Variants in CDYL2 observed in about 807,000 individuals in gnomAD.
The protein encoded by CDYL2 is chromodomain Y-like protein 2.
Under a neutral mutation model 49.4 loss-of-function variants are expected in CDYL2, and 23 were observed. That is an observed-to-expected ratio of 0.47 (90% CI 0.34 to 0.66). The LOEUF (loss-of-function observed/expected upper bound fraction) is 0.66. Ranked by LOEUF, CDYL2 falls within the 30% of genes least tolerant of loss-of-function variation. The pLI is 0.01. For synonymous variants in CDYL2, 360 were observed against 268.8 expected (o/e 1.34, Z -3.32); for missense variants, 678 against 656.4 (o/e 1.03, Z -0.36).
At position 80,612,199 on chromosome 16, in the gene CDYL2, C is replaced by A. The variant is rs1160697561; in HGVS notation, c.1218+427G>T. On this transcript the variant is annotated intron_variant, in intron 5 of 6. Transcript: ENST00000570137. The surrounding 1 kb of genome is among the most constrained non-coding windows in gnomAD (Gnocchi z 5.0). The stretch of plus-strand genomic sequence containing the variant: ...TGATGCTTCTGGCTCTCTCTTCTCT[C>A]CCATTGGCTGGAAGTGAGGGCACAT... Among the ~76,000 whole-genome samples the A allele has an allele frequency of 6.6e-6, 1 of 152,218 alleles. No homozygotes were observed. Among genetic ancestry groups the A allele is most frequent in the Non-Finnish European group, 1.5e-5 (1 of 68,036 alleles).
intron 1 of CDYL2, among the ~76,000 whole-genome samples, chr16:80,765,440 G>A (rs536973081): frequency 6.6e-6 from 1 of 151,552 alleles, no homozygotes; most frequent in African/African-American, 2.4e-5. Context: ...AACATAAAAA[G>A]CATACAAATA....
chr16:80,670,625 G>C (rs1015900074), intron 2 of CDYL2, among the ~76,000 whole-genome samples: 1 of 152,122 alleles, frequency 6.6e-6, no homozygotes, highest in Admixed American at 6.5e-5. Flanking sequence ...TTCTCACCAG[G>C]AGGCCCTCAG....
chr16:80,618,618 A>G (rs1000905997), intron 4 of CDYL2, among the ~76,000 whole-genome samples: 1 of 152,214 alleles, frequency 6.6e-6, no homozygotes, highest in South Asian at 2.1e-4. Context: ...CCCTTCAGTG[A>G]CCCAGCTACA....
chr16:80,761,273 C>T (rs1268233374), intron 1 of CDYL2, among the ~76,000 whole-genome samples: 2 of 152,204 alleles, frequency 1.3e-5, no homozygotes, highest in Non-Finnish European at 2.9e-5. Context: ...AGGCAGCCAT[C>T]TGGGTTCCAA....
intron 1 of CDYL2, among the ~76,000 whole-genome samples, chr16:80,792,556 T>G (rs866927398): frequency 6.6e-6 from 1 of 151,934 alleles, no homozygotes; most frequent in African/African-American, 2.4e-5. Flanking sequence ...AAATGACAAG[T>G]GATGTTTTCA....
chr16:80,792,033 A>T (rs2142416153), intron 1 of CDYL2, among the ~76,000 whole-genome samples: 1 of 152,316 alleles, frequency 6.6e-6, no homozygotes, highest in Middle Eastern at 3.4e-3. Context: ...AATAGAACAC[A>T]CATGGCATCT....
intron 2 of CDYL2, among the ~76,000 whole-genome samples, chr16:80,654,180 C>T (rs1009902785): frequency 2.0e-5 from 3 of 152,220 alleles, no homozygotes; most frequent in East Asian, 1.9e-4. Context: ...AGCGCTCTGC[C>T]GGGCTGGGTT....
At chr16:80,744,566 CA>C (rs1567592567) in intron 1 of CDYL2, among the ~76,000 whole-genome samples, 2 of 152,174 alleles carry the variant, frequency 1.3e-5, no homozygotes, top group African/African-American at 4.8e-5. Flanking sequence ...ATCCTCCCAA[CA>C]ACCTTACAAG....
intron 5 of CDYL2, among the ~76,000 whole-genome samples, chr16:80,609,683 C>T (rs1049217864): frequency 5.3e-5 from 8 of 152,224 alleles, no homozygotes; most frequent in African/African-American, 1.9e-4. Flanking sequence ...GTGTGAGTTA[C>T]AAGGCGAGGC....
At chr16:80,793,337 T>C (rs58599579) in intron 1 of CDYL2, among the ~76,000 whole-genome samples, 1 of 152,178 alleles carries the variant, frequency 6.6e-6, no homozygotes, top group Admixed American at 6.5e-5. Flanking sequence ...TGAGGGACAA[T>C]GGCTTAAATG....
intron 1 of CDYL2, among the ~76,000 whole-genome samples, chr16:80,792,753 C>T (rs1013154836): frequency 6.6e-6 from 1 of 152,144 alleles, no homozygotes; most frequent in Non-Finnish European, 1.5e-5. Context: ...TGCCCATCCC[C>T]ACAGCTGCTA....
chr16:80,751,603 A>G (rs1168854791), intron 1 of CDYL2, among the ~76,000 whole-genome samples: 2 of 152,208 alleles, frequency 1.3e-5, no homozygotes, highest in Non-Finnish European at 2.9e-5. Context: ...GACACTATGC[A>G]CGTGTTTTTC....
At chr16:80,652,323 C>T (rs773986983) in intron 2 of CDYL2, among the ~76,000 whole-genome samples, 12 of 152,216 alleles carry the variant, frequency 7.9e-5, no homozygotes, top group East Asian at 1.9e-4. Flanking sequence ...AAAGGACACA[C>T]GAGCCACCTA....
chr16:80,605,944 G>T (rs4517811), intron 6 of CDYL2, among the ~76,000 whole-genome samples: 1 of 152,008 alleles, frequency 6.6e-6, no homozygotes, highest in Admixed American at 6.5e-5. Flanking sequence ...CATGGGTAGA[G>T]GGAGCAGGAA....
intron 2 of CDYL2, among the ~76,000 whole-genome samples, chr16:80,669,670 C>T (rs867122322): frequency 2.0e-5 from 3 of 152,172 alleles, no homozygotes; most frequent in Admixed American, 6.5e-5. Context: ...AACTCTTATC[C>T]TCTGGCTGGC....
At chr16:80,652,069 G>A (rs1362532490) in intron 2 of CDYL2, among the ~76,000 whole-genome samples, 1 of 152,180 alleles carries the variant, frequency 6.6e-6, no homozygotes, top group Non-Finnish European at 1.5e-5. Context: ...ACACAGGTTA[G>A]TATACCCATG....
chr16:80,732,414 G>T (rs978835126), intron 1 of CDYL2, among the ~76,000 whole-genome samples: 13 of 151,940 alleles, frequency 8.6e-5, no homozygotes, highest in African/African-American at 3.1e-4. Context: ...CCTTCTGATT[G>T]CCACAGGTTG....
chr16:80,758,556 T>C (rs1190248659), intron 1 of CDYL2, among the ~76,000 whole-genome samples: 1 of 149,352 alleles, frequency 6.7e-6, no homozygotes, highest in African/African-American at 2.5e-5. Flanking sequence ...TTTTTTTTTT[T>C]TTTTTGTGAC....
intron 2 of CDYL2, chr16:80,671,085 C>T (rs1321541224): frequency 2.3e-6 from 1 of 439,446 alleles, no homozygotes; most frequent in East Asian, 7.0e-5. Context: ...CTGCCGCAGC[C>T]CCTACCAAAT....
Sources: allele counts gnomAD v4.1 joint callset (sites outside exome capture counted in the v4.1 genomes callset), GRCh38; gene constraint gnomAD v4.1.1; non-coding constraint Gnocchi (gnomAD v3.1); transcripts MANE v1.5; gene names NCBI Gene and HGNC (gene_info 2026-07-23, HGNC 2026-07-21).